The following SNTG1 variants were observed in gnomAD, a reference collection of about 807,000 sequenced individuals.
SNTG1 encodes the protein gamma-1-syntrophin.
A neutral mutation model predicts 74.7 loss-of-function variants in SNTG1; 39 were observed. That is an observed-to-expected ratio of 0.52 (90% CI 0.40 to 0.68). SNTG1 has a LOEUF of 0.68. SNTG1 is among the 30% of genes least tolerant of loss of function. The pLI, the probability that SNTG1 is intolerant of heterozygous loss-of-function variation, is 0.00. For missense variants in SNTG1, 685 were observed against 609.5 expected (o/e 1.12, Z -1.30); for synonymous variants, 254 against 217.1 (o/e 1.17, Z -1.49).
intron 1 of SNTG1, among the ~76,000 whole-genome samples, chr8:50,064,893 G>A (rs1820777593): frequency 6.6e-6 from 1 of 152,162 alleles, no homozygotes; most frequent in East Asian, 1.9e-4. Context: ...ATTGTCTTCA[G>A]AGCAGTTGTA....
At chr8:50,382,862 G>A (rs1213169665) in intron 2 of SNTG1, among the ~76,000 whole-genome samples, 1 of 152,144 alleles carries the variant, frequency 6.6e-6, no homozygotes, top group Non-Finnish European at 1.5e-5. Context: ...TCCAAATTCT[G>A]TAGGGTAGGC....
chr8:49,920,987 A>G lies in SNTG1; in HGVS notation c.-103+8756A>G, dbSNP rs995664905. 4.6e-5 allele frequency among the ~76,000 whole-genome samples: 7 copies of G among 152,104 alleles called. No homozygotes were observed. In the East Asian group the frequency reaches 1.3e-3, roughly 29 times the overall value. On this transcript the variant is annotated intron_variant, in intron 1 of 18. Transcript: ENST00000642720. The stretch of plus-strand genomic sequence containing the variant: ...GAAATACGCTTCTTTGGAAGGAAAG[A>G]TGTGATATCTGACATGGGACATGTC...
chr8:50,482,239 C>A (rs186762535), intron 8 of SNTG1, among the ~76,000 whole-genome samples: 1 of 152,236 alleles, frequency 6.6e-6, no homozygotes, highest in East Asian at 1.9e-4. Flanking sequence ...TCTTTTTCCT[C>A]CTCTTCTTAC....
At chr8:50,514,837 T>C (rs2094117729) in intron 9 of SNTG1, among the ~76,000 whole-genome samples, 1 of 152,194 alleles carries the variant, frequency 6.6e-6, no homozygotes, top group Admixed American at 6.5e-5. Context: ...AATGTCATAC[T>C]ATTATTGTGT....
At chr8:50,050,513 C>A (rs902120104) in intron 1 of SNTG1, among the ~76,000 whole-genome samples, 4 of 151,948 alleles carry the variant, frequency 2.6e-5, no homozygotes, top group Non-Finnish European at 5.9e-5. Flanking sequence ...GTGTATTCTT[C>A]CCCAAATTCA....
intron 1 of SNTG1, among the ~76,000 whole-genome samples, chr8:50,014,962 C>T (rs1585900071): frequency 6.7e-6 from 1 of 149,756 alleles, no homozygotes; most frequent in African/African-American, 2.5e-5. Context: ...GTCCAGTTTT[C>T]AACAAAAACT....
chr8:50,245,771 C>T (rs2086372169), intron 2 of SNTG1, among the ~76,000 whole-genome samples: 1 of 152,240 alleles, frequency 6.6e-6, no homozygotes, highest in Non-Finnish European at 1.5e-5. Flanking sequence ...TGGGGCTTGT[C>T]AGCCATCCCT....
At chr8:50,043,597 A>G (rs934826220) in intron 1 of SNTG1, among the ~76,000 whole-genome samples, 1 of 152,170 alleles carries the variant, frequency 6.6e-6, no homozygotes. Flanking sequence ...GAAGCTGACT[A>G]TGCGTTCCTG....
chr8:50,671,560 A>C (rs2095282857), intron 15 of SNTG1, among the ~76,000 whole-genome samples: 2 of 152,202 alleles, frequency 1.3e-5, no homozygotes, highest in Admixed American at 1.3e-4. Context: ...GCTGGAGAGG[A>C]TGTGGAGAAA....
chr8:49,942,305 T>C (rs1288345371), intron 1 of SNTG1, among the ~76,000 whole-genome samples: 1 of 152,190 alleles, frequency 6.6e-6, no homozygotes, highest in African/African-American at 2.4e-5. Context: ...ATAGACAACA[T>C]ATTTCTTTTT....
At chr8:49,959,615 C>A (rs148421041) in intron 1 of SNTG1, among the ~76,000 whole-genome samples, 1 of 152,184 alleles carries the variant, frequency 6.6e-6, no homozygotes, top group Admixed American at 6.5e-5. Context: ...TTGTGTAGCA[C>A]GTGTCAATAC....
chr8:50,132,304 A>T (rs1184923889), intron 1 of SNTG1, among the ~76,000 whole-genome samples: 1 of 152,122 alleles, frequency 6.6e-6, no homozygotes, highest in Non-Finnish European at 1.5e-5. Flanking sequence ...TCTAAGTCTG[A>T]AATCTTATCT....
intron 11 of SNTG1, among the ~76,000 whole-genome samples, chr8:50,548,393 G>A (rs1450496926): frequency 2.6e-5 from 4 of 152,178 alleles, no homozygotes; most frequent in African/African-American, 9.6e-5. Flanking sequence ...GTGATGGAAA[G>A]GAAGAGGGTG....
chr8:50,171,220 CAT>C (rs906203951), intron 1 of SNTG1, among the ~76,000 whole-genome samples: 6 of 151,886 alleles, frequency 4.0e-5, no homozygotes, highest in South Asian at 2.1e-4. Context: ...AATATACATA[CAT>C]ATATATATAT....
intron 2 of SNTG1, among the ~76,000 whole-genome samples, chr8:50,204,740 C>T (rs1010492980): frequency 1.3e-5 from 2 of 151,970 alleles, no homozygotes; most frequent in African/African-American, 4.8e-5. Flanking sequence ...CCATGACAGG[C>T]CCCGGTGTGT....
intron 17 of SNTG1, among the ~76,000 whole-genome samples, chr8:50,743,307 G>A (rs2095547835): frequency 6.6e-6 from 1 of 151,708 alleles, no homozygotes; most frequent in Non-Finnish European, 1.5e-5. Flanking sequence ...ATACACCATG[G>A]CCAAGTAGTA....
chr8:50,620,422 AC>A (rs1295575530), intron 13 of SNTG1, among the ~76,000 whole-genome samples: 4 of 152,082 alleles, frequency 2.6e-5, no homozygotes, highest in African/African-American at 7.2e-5. Flanking sequence ...CATCTTAATC[AC>A]ACTTGAAAAG....
chr8:50,771,718 C>T (rs763084897), intron 18 of SNTG1, among the ~76,000 whole-genome samples: 14 of 151,828 alleles, frequency 9.2e-5, no homozygotes, highest in Non-Finnish European at 1.9e-4. Flanking sequence ...AGGCCAGTCT[C>T]ATCACAGGCT....
At chr8:50,322,670 A>T (rs1459318078) in intron 2 of SNTG1, among the ~76,000 whole-genome samples, 1 of 151,666 alleles carries the variant, frequency 6.6e-6, no homozygotes, top group African/African-American at 2.4e-5. Flanking sequence ...TAACTCTTAG[A>T]CTTGCCCTTT....
Sources: allele counts gnomAD v4.1 joint callset (sites outside exome capture counted in the v4.1 genomes callset), GRCh38; gene constraint gnomAD v4.1.1; transcripts MANE v1.5; gene names NCBI Gene and HGNC (gene_info 2026-07-23, HGNC 2026-07-21).